The following TNR variants were observed in gnomAD, a reference collection of about 807,000 sequenced individuals.
TNR encodes the protein tenascin-R.
In TNR, 45 loss-of-function variants were observed where a neutral mutation model predicts 150.4. The ratio of observed to expected loss-of-function variants is 0.30; its 90% CI spans 0.24 to 0.38. The LOEUF is 0.38. Ranked by LOEUF, TNR falls within the 10% of genes least tolerant of loss-of-function variation. The pLI is 1.00. For synonymous variants in TNR, 687 were observed against 678.4 expected, an observed-to-expected ratio of 1.01 and a Z score of -0.20; for missense variants, 1,544 against 1,759.1, an observed-to-expected ratio of 0.88 and a Z score of 2.19.
At chr1:175,337,425 A>G in intron 19 of TNR, 103 bp downstream of exon 19, 2 of 1,408,918 alleles carry the variant, frequency 1.4e-6, no homozygotes, top group South Asian at 1.3e-5. Context: ...GGGTGATAAA[A>G]GGATGGCCAG....
intron 2 of TNR, among the ~76,000 whole-genome samples, chr1:175,500,310 C>T (rs1415595622): frequency 6.6e-6 from 1 of 152,154 alleles, no homozygotes; most frequent in African/African-American, 2.4e-5. Context: ...GAGCTCAGGC[C>T]TTACAAGTCA....
intron 1 of TNR, among the ~76,000 whole-genome samples, chr1:175,657,770 T>G (rs1216491651): frequency 5.1e-5 from 3 of 58,770 alleles, no homozygotes; most frequent in African/African-American, 6.9e-5. Context: ...GGGCCTGTTG[T>G]GGGGTGGGGG....
intron 2 of TNR, among the ~76,000 whole-genome samples, chr1:175,416,529 A>G (rs1654459415): frequency 6.6e-6 from 1 of 152,192 alleles, no homozygotes; most frequent in South Asian, 2.1e-4. Flanking sequence ...ACAGCATGTC[A>G]CCATTCACTG....
intron 6 of TNR, among the ~76,000 whole-genome samples, chr1:175,393,542 C>T (rs1247352429): frequency 1.3e-5 from 2 of 152,202 alleles, no homozygotes; most frequent in Non-Finnish European, 2.9e-5. Context: ...CTGCTTCCCA[C>T]ATCCTCTGTT....
intron 12 of TNR, among the ~76,000 whole-genome samples, chr1:175,364,683 C>A (rs1263538074): frequency 5.9e-5 from 9 of 152,204 alleles, no homozygotes; most frequent in African/African-American, 1.9e-4. Context: ...GGTGTCTCTT[C>A]ACTGTAGAGG....
chr1:175,516,726 T>A, intron 2 of TNR, among the ~76,000 whole-genome samples: 1 of 152,268 alleles, frequency 6.6e-6, no homozygotes, highest in African/African-American at 2.4e-5. Context: ...ATTTAAGAGT[T>A]TGAGTCGGAG....
chr1:175,463,214 T>A (rs1656893013), intron 2 of TNR, among the ~76,000 whole-genome samples: 1 of 152,170 alleles, frequency 6.6e-6, no homozygotes, highest in South Asian at 2.1e-4. Flanking sequence ...CTCATTAGGT[T>A]CCTTATACCA....
chr1:175,424,188 T>C (rs1417361548), intron 2 of TNR, among the ~76,000 whole-genome samples: 1 of 152,224 alleles, frequency 6.6e-6, no homozygotes, highest in Non-Finnish European at 1.5e-5. Context: ...AAGTCCTTGG[T>C]CTTGCTATCT....
intron 2 of TNR, among the ~76,000 whole-genome samples, chr1:175,445,284 T>C (rs1350919463): frequency 6.6e-6 from 1 of 151,688 alleles, no homozygotes; most frequent in African/African-American, 2.4e-5. Context: ...AAATAAAAAA[T>C]AAAAAAAGAA....
At position 175,354,511 on chromosome 1, in the gene TNR, C is replaced by T; in HGVS notation, c.3262G>A (p.Asp1088Asn). The stretch of plus-strand genomic sequence containing the variant: ...AGTCGAATCCAGGTGTCTTCTGCAT[C>T]CACAATCAGCTCCTGTATAATGAGC... The part of the protein sequence containing the change: ...TDGSRKELIV[D>N]AEDTWIRLEG... The change falls in exon 18 of 23, where the codon GAT becomes AAT. Residue 1088 changes from aspartate (D) to asparagine (N), a missense_variant. By Grantham distance (23) the Asp-to-Asn change is conservative. Coordinates refer to ENST00000367674, the MANE Select transcript of TNR (RefSeq NM_003285.3). 1 of 1,614,072 alleles carries T rather than the reference C, an allele frequency of 6.2e-7. No homozygotes were observed. The highest frequency in any genetic ancestry group is 8.5e-7 in the Non-Finnish European group (1 of 1,179,978).
chr1:175,343,016 G>A (rs1650600399), intron 18 of TNR, among the ~76,000 whole-genome samples: 11 of 152,176 alleles, frequency 7.2e-5, no homozygotes. Context: ...GCTGGGTCCT[G>A]ATGACACTTC....
intron 1 of TNR, among the ~76,000 whole-genome samples, chr1:175,550,704 A>T (rs59310650): frequency 0.055 from 8,414 of 152,158 alleles, 328 homozygotes; most frequent in African/African-American, 0.11. Context: ...AAATTAGCAG[A>T]CATTTGAAAT....
intron 2 of TNR, among the ~76,000 whole-genome samples, chr1:175,480,021 A>T (rs984817058): frequency 6.6e-6 from 1 of 152,064 alleles, no homozygotes; most frequent in Non-Finnish European, 1.5e-5. Context: ...TAGGAGAAGG[A>T]GCAGAGGGAG....
intron 2 of TNR, among the ~76,000 whole-genome samples, chr1:175,432,985 A>G (rs1224442225): frequency 2.6e-5 from 4 of 152,176 alleles, no homozygotes; most frequent in Admixed American, 2.0e-4. Flanking sequence ...TGACCACCTG[A>G]TAATTGCACC....
chr1:175,397,755 T>C (rs2102040545), intron 4 of TNR, among the ~76,000 whole-genome samples: 1 of 152,368 alleles, frequency 6.6e-6, no homozygotes, highest in South Asian at 2.1e-4. Flanking sequence ...TACTTTCTTC[T>C]GATTTCTCAA....
At chr1:175,359,041 T>TGCTGGAGTGCAATGGCGTGA (rs1557883531) in intron 15 of TNR, among the ~76,000 whole-genome samples, 1 of 151,878 alleles carries the variant, frequency 6.6e-6, no homozygotes, top group African/African-American at 2.4e-5. Flanking sequence ...TGCTCTGTTT[T>TGCTGGAGTGCAATGGCGTGA]TGTACTTGCC....
At chr1:175,437,611 CA>C (rs1290587570) in intron 2 of TNR, among the ~76,000 whole-genome samples, 1 of 152,010 alleles carries the variant, frequency 6.6e-6, no homozygotes, top group Non-Finnish European at 1.5e-5. Flanking sequence ...AAAAGATCAA[CA>C]AAATTGATAG....
intron 1 of TNR, among the ~76,000 whole-genome samples, chr1:175,595,815 C>T (rs1174429309): frequency 8.5e-5 from 13 of 152,168 alleles, no homozygotes; most frequent in Admixed American, 8.5e-4. Flanking sequence ...AATGAATGCT[C>T]ATGATTGCTA....
At chr1:175,608,912 C>T (rs1558035606) in intron 1 of TNR, among the ~76,000 whole-genome samples, 1 of 152,196 alleles carries the variant, frequency 6.6e-6, no homozygotes, top group Non-Finnish European at 1.5e-5. Flanking sequence ...GGCAGGAGTG[C>T]AGCCCTCAGT....
Sources: gnomAD v4.1 joint callset for allele counts (sites outside exome capture counted in the v4.1 genomes callset) on GRCh38, gnomAD v4.1.1 for gene constraint, MANE v1.5 for transcripts, NCBI Gene and HGNC (gene_info 2026-07-23, HGNC 2026-07-21) for gene names.